The following DNAH11 variants were observed in gnomAD, a reference collection of about 807,000 sequenced individuals.
The protein encoded by DNAH11 is dynein axonemal heavy chain 11.
Under a neutral mutation model 526.0 loss-of-function variants are expected in DNAH11, and 442 were observed. The ratio of observed to expected loss-of-function variants is 0.84; its 90% CI spans 0.78 to 0.91. The LOEUF is 0.91. Ranked by LOEUF, DNAH11 falls within the 40% of genes least tolerant of loss-of-function variation. The pLI, the probability that DNAH11 is intolerant of heterozygous loss-of-function variation, is 0.00. For synonymous variants in DNAH11, 2,461 were observed against 1,935.9 expected, an observed-to-expected ratio of 1.27 and a Z score of -7.12; for missense variants, 6,989 against 5,448.7, an observed-to-expected ratio of 1.28 and a Z score of -8.90.
intron 8 of DNAH11, among the ~76,000 whole-genome samples, chr7:21,574,827 A>G (rs1475867239): frequency 6.8e-6 from 1 of 147,344 alleles, no homozygotes; most frequent in Non-Finnish European, 1.5e-5. Context: ...TGGCCTCCCA[A>G]AGTGCTGAGG....
chr7:21,689,693 A>G (rs1255247484), intron 34 of DNAH11, among the ~76,000 whole-genome samples: 1 of 152,062 alleles, frequency 6.6e-6, no homozygotes, highest in East Asian at 1.9e-4. Context: ...TCTTGACTAT[A>G]CAAAATCCAC....
At chr7:21,611,514 G>T (rs1785523006) in intron 20 of DNAH11, among the ~76,000 whole-genome samples, 1 of 151,988 alleles carries the variant, frequency 6.6e-6, no homozygotes, top group Non-Finnish European at 1.5e-5. Flanking sequence ...TGTCTTTCTG[G>T]AGAACCGTGA....
intron 66 of DNAH11, among the ~76,000 whole-genome samples, chr7:21,849,309 A>C (rs933676945): frequency 6.6e-6 from 1 of 152,218 alleles, no homozygotes; most frequent in Non-Finnish European, 1.5e-5. Flanking sequence ...TTTATCCATA[A>C]GTTATAATCA....
At chr7:21,671,358 T>C (rs1782636385) in intron 30 of DNAH11, among the ~76,000 whole-genome samples, 1 of 152,172 alleles carries the variant, frequency 6.6e-6, no homozygotes, top group Non-Finnish European at 1.5e-5. Context: ...AGAGACTGCA[T>C]GGCCTACAAA....
intron 12 of DNAH11, 38 bp downstream of exon 12, chr7:21,589,441 C>G (rs375461989): frequency 6.7e-7 from 1 of 1,492,698 alleles, no homozygotes; most frequent in African/African-American, 1.4e-5. Context: ...TATAAGTGCC[C>G]TTTTTATTAT....
At chr7:21,674,028 TTG>T (rs59263134) in intron 30 of DNAH11, among the ~76,000 whole-genome samples, 12,558 of 137,134 alleles carry the variant, frequency 0.092, 649 homozygotes, top group African/African-American at 0.17. Flanking sequence ...CTGTTTTGTT[TTG>T]TGTGTGTGTG....
chr7:21,546,404 A>T (rs1028431359), intron 2 of DNAH11, among the ~76,000 whole-genome samples: 1 of 152,170 alleles, frequency 6.6e-6, no homozygotes, highest in African/African-American at 2.4e-5. Context: ...AGGTGCTCAG[A>T]TTTTAATTGA....
At chr7:21,840,590 C>T (rs1782169017) in intron 65 of DNAH11, among the ~76,000 whole-genome samples, 1 of 152,098 alleles carries the variant, frequency 6.6e-6, no homozygotes, top group African/African-American at 2.4e-5. Flanking sequence ...TTCTCTGTCT[C>T]TTGCATGAAT....
chr7:21,765,393 C>T lies in DNAH11; in HGVS notation c.8941-35C>T, dbSNP rs1388691567. Reference sequence around the variant, plus strand: ...ATGTAATTCTCTGCTCATTCATCACCCGCCTGTTTCTGCCTTGCCCCCATG... The same window carrying T: ...ATGTAATTCTCTGCTCATTCATCACTCGCCTGTTTCTGCCTTGCCCCCATG... On this transcript the variant is annotated intron_variant, in intron 54 of 81. Coordinates refer to ENST00000409508, the MANE Select transcript of DNAH11 (RefSeq NM_001277115.2). 3 of 1,612,656 alleles carry T rather than the reference C, an allele frequency of 1.9e-6. No individual in the cohort carries two copies. The South Asian group carries it at 3.3e-5, about 18-fold the overall frequency.
At chr7:21,821,608 G>A (rs553444885) in intron 65 of DNAH11, among the ~76,000 whole-genome samples, 1 of 152,108 alleles carries the variant, frequency 6.6e-6, no homozygotes, top group Non-Finnish European at 1.5e-5. Context: ...TACATATTTT[G>A]GGGGTACATG....
rs545059203 is a variant in DNAH11 at position 21,582,619 on chromosome 7, T to C, written c.1710+598T>C. The stretch of plus-strand genomic sequence containing the variant: ...ATTGATGAAATACAGTTAAGAGTTA[T>C]ATAAAAGAAAAGCATCTCAATAGTG... On this transcript the variant is annotated intron_variant, in intron 9 of 81. Coordinates refer to ENST00000409508, the MANE Select transcript of DNAH11 (RefSeq NM_001277115.2). 2.6e-5 allele frequency among the ~76,000 whole-genome samples: 4 copies of C among 152,260 alleles called. No homozygotes were observed. The South Asian group carries it at 6.2e-4, about 24-fold the overall frequency.
At chr7:21,674,478 A>G (rs969992563) in intron 30 of DNAH11, among the ~76,000 whole-genome samples, 3 of 152,132 alleles carry the variant, frequency 2.0e-5, no homozygotes, top group Non-Finnish European at 4.4e-5. Flanking sequence ...CCCATGCCTC[A>G]GCCTCCCAAG....
rs116160990 is a variant in DNAH11, at chr7:21,600,162, T to C, written c.3000+43T>C. The C allele has an allele frequency of 9.8e-4, 1,442 of 1,471,408 alleles. 10 individuals carry two copies. The African/African-American group carries it at 0.016, about 16-fold the overall frequency. 91.1% of individuals were successfully genotyped at this position (1,471,408 alleles called of 1,614,324 possible). ...GGGTATTTAGCTTTTATATTAATGA[T>C]TCAAAAACAAATTGTGGCTGAGTAT... is the stretch of plus-strand genomic sequence containing the variant. On this transcript the variant is annotated intron_variant, in intron 15 of 81. Transcript: ENST00000409508.
intron 9 of DNAH11, among the ~76,000 whole-genome samples, chr7:21,587,593 C>G (rs1299803927): frequency 6.6e-6 from 1 of 152,010 alleles, no homozygotes; most frequent in Non-Finnish European, 1.5e-5. Flanking sequence ...GTACCAGCGG[C>G]CATAGGCATG....
At chr7:21,551,769 A>G (rs1020276729) in intron 2 of DNAH11, among the ~76,000 whole-genome samples, 1 of 152,176 alleles carries the variant, frequency 6.6e-6, no homozygotes, top group African/African-American at 2.4e-5. Flanking sequence ...GTATTCTATG[A>G]TATCTAAGCA....
Position 21,698,154 on chromosome 7 carries a change from G to A in DNAH11, c.6121G>A (p.Ala2041Thr), listed in dbSNP as rs1440723245. 1.9e-6 allele frequency: 3 copies of A among 1,613,542 alleles called. No homozygotes were observed. Among genetic ancestry groups the A allele is most frequent in the African/African-American group, 1.3e-5 (1 of 74,892 alleles). The change falls in exon 36 of 82, where the codon GCA becomes ACA. Residue 2041 changes from alanine to threonine, a missense_variant. Ala to Thr is a moderately conservative substitution (Grantham distance 58). Coordinates refer to ENST00000409508, the MANE Select transcript of DNAH11 (RefSeq NM_001277115.2). ...TGCTGAAGGTTTTGTGGATGCGCGTGCATTAGCCCGAAAGTTCATTACGTT... is the reference window on the plus strand; with the variant it reads ...TGCTGAAGGTTTTGTGGATGCGCGTACATTAGCCCGAAAGTTCATTACGTT... ...LVAEGFVDAR[A>T]LARKFITLYT...
At chr7:21,720,220 G>T (rs569611536) in intron 43 of DNAH11, among the ~76,000 whole-genome samples, 2 of 152,290 alleles carry the variant, frequency 1.3e-5, no homozygotes, top group African/African-American at 4.8e-5. Context: ...AGCGCTTACC[G>T]AAAGTGGTTT....
intron 74 of DNAH11, among the ~76,000 whole-genome samples, chr7:21,876,216 T>A (rs1408582002): frequency 6.6e-6 from 1 of 152,128 alleles, no homozygotes; most frequent in Non-Finnish European, 1.5e-5. Flanking sequence ...GTGGAGAGGA[T>A]CCTCTGAAAT....
At position 21,873,470 on chromosome 7, in the gene DNAH11, A is replaced by G. The variant is rs1202778028; in HGVS notation, c.12164A>G (p.Asn4055Ser). 6.2e-7 allele frequency: 1 copy of G among 1,613,946 alleles called. No homozygotes were observed. The change falls in exon 74 of 82, where the codon AAT becomes AGT. Residue 4055 changes from asparagine to serine, a missense_variant. Physicochemically the swap from Asn to Ser is conservative, Grantham distance 46. Transcript: ENST00000409508. ...TNEPPTGMLANLHAALYNFDQ... is the reference protein window; with the variant it reads ...TNEPPTGMLASLHAALYNFDQ... ...GAACCCCCAACAGGGATGCTGGCCA[A>G]TTTGCATGCCGCCCTGTACAACTTT...
Sources: allele counts gnomAD v4.1 joint callset (sites outside exome capture counted in the v4.1 genomes callset), GRCh38; gene constraint gnomAD v4.1.1; transcripts MANE v1.5; gene names NCBI Gene and HGNC (gene_info 2026-07-23, HGNC 2026-07-21).